AP3M2: variants seen among roughly 807,000 people sequenced by gnomAD.
The protein encoded by AP3M2 is adaptor related protein complex 3 subunit mu 2, also known as AP-3 complex subunit mu-2.
Under a neutral mutation model 41.6 loss-of-function variants are expected in AP3M2, and 28 were observed. That is an observed-to-expected ratio of 0.67 (90% CI 0.50 to 0.92). The LOEUF (loss-of-function observed/expected upper bound fraction) is 0.92, where lower values mean the gene tolerates loss of function less well. AP3M2 is among the 40% of genes least tolerant of loss of function. The pLI is 0.00. For synonymous variants in AP3M2, 193 were observed against 186.4 expected (o/e 1.04, Z -0.29); for missense variants, 427 against 521.4 (o/e 0.82, Z 1.76).
intron 8 of AP3M2, chr8:42,168,248 A>G (rs983702075): frequency 2.2e-5 from 10 of 456,956 alleles, no homozygotes; most frequent in Non-Finnish European, 4.4e-5. Context: ...GGGCCTTTCC[A>G]GGTCAGTTCA....
chr8:42,165,657 T>A, intron 6 of AP3M2, 97 bp downstream of exon 6: 1 of 1,443,532 alleles, frequency 6.9e-7, no homozygotes, highest in Non-Finnish European at 9.4e-7. Context: ...TAGAGTTACC[T>A]GGGTTCACAT....
At chr8:42,155,607 T>C (rs536191230) in intron 2 of AP3M2, among the ~76,000 whole-genome samples, 1 of 152,204 alleles carries the variant, frequency 6.6e-6, no homozygotes, top group Admixed American at 6.5e-5. Flanking sequence ...CCAAGGGAGG[T>C]CAGTGATACC....
chr8:42,157,045 A>T (rs1008439891), intron 2 of AP3M2, among the ~76,000 whole-genome samples: 1 of 152,236 alleles, frequency 6.6e-6, no homozygotes, highest in Non-Finnish European at 1.5e-5. Context: ...TCATTCTATG[A>T]GTTCAAGAGG....
chr8:42,167,576 C>T, intron 7 of AP3M2, 90 bp from the exon 8 acceptor site: 1 of 1,493,996 alleles, frequency 6.7e-7, no homozygotes, highest in Non-Finnish European at 9.1e-7. Flanking sequence ...GACAGGTGCC[C>T]TGAGTTTAGA....
rs1418256641 is a variant in AP3M2, at chr8:42,165,375, A to G, written c.670-52A>G. The G allele has an allele frequency of 1.9e-6, 3 of 1,601,834 alleles. No homozygotes were observed. In the African/African-American group the frequency reaches 4.0e-5, roughly 22 times the overall value. The stretch of plus-strand genomic sequence containing the variant: ...GCATTTAAATTGCTTTCCTGAAAGC[A>G]CTGCGGGTGTTTAATGCCCACTTCT... On this transcript the variant is annotated intron_variant, in intron 5 of 8. Transcript: ENST00000396926.
intron 5 of AP3M2, 58 bp from the exon 6 acceptor site, chr8:42,165,369 G>A (rs1804610645): frequency 6.3e-7 from 1 of 1,592,468 alleles, no homozygotes; most frequent in African/African-American, 1.3e-5. Context: ...TTGCTTTCCT[G>A]AAAGCACTGC....
rs911121871 is a variant in AP3M2 at position 42,155,060 on chromosome 8, A to C, written c.273+100A>C. 8.6e-6 allele frequency: 9 copies of C among 1,052,516 alleles called. No homozygotes were observed. In the Admixed American group the frequency reaches 1.2e-4, roughly 14 times the overall value. 65.2% of individuals were successfully genotyped at this position (1,052,516 alleles called of 1,614,324 possible). ...CTCCATTAAGAAACTTAAAAAAAAA[A>C]ATCAAAACTCTGGTATTACTCACTT... On this transcript the variant is annotated intron_variant, in intron 2 of 8. Transcript: ENST00000396926.
chr8:42,155,875 A>G, intron 2 of AP3M2: 1 of 393,978 alleles, frequency 2.5e-6, no homozygotes, highest in African/African-American at 2.1e-5. Flanking sequence ...AAGCAAGTCA[A>G]AGAGTTCCTT....
chr8:42,161,578 C>CAGG (rs1804506616), intron 3 of AP3M2, among the ~76,000 whole-genome samples: 1 of 152,058 alleles, frequency 6.6e-6, no homozygotes, highest in Non-Finnish European at 1.5e-5. Context: ...CACTGTACTC[C>CAGG]AGCCTGGGCG....
At position 42,167,442 on chromosome 8, in the gene AP3M2, C is replaced by A. The variant is rs1804671656; in HGVS notation, c.1011+71C>A. 1.9e-6 allele frequency: 3 copies of A among 1,554,144 alleles called. No homozygotes were observed. In the Admixed American group the frequency reaches 5.5e-5, roughly 28 times the overall value. On this transcript the variant is annotated intron_variant, in intron 7 of 8. Transcript: ENST00000396926. ...CCAGTCTGCAGGTTCTCTGTGTAGA[C>A]TCTAGACCTTGTTTGGAAGGTGAGA...
intron 8 of AP3M2, chr8:42,168,190 T>C (rs1804692429): frequency 2.2e-6 from 1 of 464,134 alleles, no homozygotes; most frequent in Admixed American, 2.3e-5. Flanking sequence ...CTTTCTTCTG[T>C]TTTCAGAAGA....
intron 6 of AP3M2, 104 bp from the exon 7 acceptor site, chr8:42,167,060 A>C: frequency 1.1e-6 from 1 of 928,258 alleles, no homozygotes; most frequent in Non-Finnish European, 1.7e-6. Context: ...GACATAGTTA[A>C]GGGAGAAGAA....
In AP3M2 at chr8:42,167,698, A is replaced by C; in HGVS notation, c.1044A>C (p.Pro348=). 1 of 1,612,700 alleles carries C rather than the reference A, an allele frequency of 6.2e-7. No homozygotes were observed. Among genetic ancestry groups the C allele is most frequent in the Non-Finnish European group, 8.5e-7 (1 of 1,179,648 alleles). ...MLSWDVGKIN[P]QKLPSLKGTM... ...CTTGGGATGTAGGAAAAATAAATCC[A>C]CAAAAGCTACCAAGTTTGAAGGGGA... The change falls in exon 8 of 9, where the codon CCA becomes CCC. Residue 348 remains proline (P), a synonymous_variant. Coordinates refer to ENST00000396926, the MANE Select transcript of AP3M2 (RefSeq NM_006803.4).
intron 4 of AP3M2, among the ~76,000 whole-genome samples, chr8:42,164,076 A>T (rs1174895258): frequency 1.3e-5 from 2 of 152,192 alleles, no homozygotes; most frequent in Non-Finnish European, 2.9e-5. Context: ...ACGAGGCTGA[A>T]ATCCAGGCCC....
chr8:42,170,376 A>C lies in AP3M2; in HGVS notation c.*1315A>C, dbSNP rs979390042. On this transcript the variant is annotated 3_prime_UTR_variant, in exon 9 of 9. Coordinates refer to ENST00000396926, the MANE Select transcript of AP3M2 (RefSeq NM_006803.4). ...ATGGACTGTGTTGATCATGGGTGTA[A>C]GCAACCCAGTTTAAGAAACATGGCA... 1 of 152,176 alleles carries C rather than the reference A, an allele frequency of 6.6e-6. No individual in the cohort carries two copies. The highest frequency in any genetic ancestry group is 1.5e-5 in the Non-Finnish European group (1 of 68,034). 9.4% of individuals were successfully genotyped at this position (152,176 alleles called of 1,614,324 possible).
chr8:42,169,017 A>T lies in AP3M2; in HGVS notation c.1213A>T (p.Ile405Leu). Residue 405 changes from isoleucine (I) to leucine (L), a missense_variant, in exon 9 of 9, where the codon ATA becomes TTA. Ile to Leu is a conservative substitution (Grantham distance 5). This residue lies in a region of AP3M2 where 237 missense variants were observed against 284.9 expected (regional missense o/e 0.83). Transcript: ENST00000396926. The part of the protein sequence containing the change: ...YGEKYKPFKG[I>L]KYMTKAGKFQ... The stretch of plus-strand genomic sequence containing the variant: ...AGAAAAGTACAAACCCTTTAAGGGC[A>T]TAAAATACATGACCAAAGCTGGGAA... The T allele has an allele frequency of 6.2e-7, 1 of 1,612,864 alleles. No homozygotes were observed. The highest frequency in any genetic ancestry group is 8.5e-7 in the Non-Finnish European group (1 of 1,179,492).
At chr8:42,163,779 G>A (rs1447269543) in intron 4 of AP3M2, among the ~76,000 whole-genome samples, 2 of 152,102 alleles carry the variant, frequency 1.3e-5, no homozygotes, top group Non-Finnish European at 2.9e-5. Context: ...AAAATGTTCC[G>A]TATCTTGCTG....
chr8:42,155,266 CTGG>C (rs1252593840), intron 2 of AP3M2, among the ~76,000 whole-genome samples: 2 of 152,166 alleles, frequency 1.3e-5, no homozygotes, highest in African/African-American at 4.8e-5. Flanking sequence ...TTGTTTTTGC[CTGG>C]TGGTCTTGAT....
intron 3 of AP3M2, among the ~76,000 whole-genome samples, chr8:42,159,754 GTCTTGTTT>G (rs1804454623): frequency 6.6e-6 from 1 of 152,044 alleles, no homozygotes; most frequent in Non-Finnish European, 1.5e-5. Flanking sequence ...TACATTTTGG[GTCTTGTTT>G]AATGCATAAG....
Sources: allele counts gnomAD v4.1 joint callset (sites outside exome capture counted in the v4.1 genomes callset), GRCh38; gene constraint gnomAD v4.1.1; regional missense constraint gnomAD v4.1.1; transcripts MANE v1.5; gene names NCBI Gene and HGNC (gene_info 2026-07-23, HGNC 2026-07-21).